Variants in ENO4 observed in about 807,000 individuals in gnomAD.
ENO4 encodes the protein enolase 4, also known as 2-phospho-D-glycerate hydro-lyase.
In ENO4, 53 loss-of-function variants were observed where a neutral mutation model predicts 63.2. That is an observed-to-expected ratio of 0.84 (90% CI 0.67 to 1.05). The LOEUF (loss-of-function observed/expected upper bound fraction) is 1.05, where lower values mean the gene tolerates loss of function less well. ENO4 is among the 50% of genes least tolerant of loss of function. The pLI is 0.00. For synonymous variants in ENO4, 266 were observed against 283.8 expected (o/e 0.94, Z 0.63); for missense variants, 719 against 772.0 (o/e 0.93, Z 0.81).
chr10:116,911,395 A>T, intron 10 of ENO4: 1 of 1,446,914 alleles, frequency 6.9e-7, no homozygotes, highest in Non-Finnish European at 9.2e-7. Context: ...GGAGGAATTT[A>T]GCTTCACATT....
intron 1 of ENO4, among the ~76,000 whole-genome samples, chr10:116,853,237 G>A (rs1447570658): frequency 2.0e-5 from 3 of 148,806 alleles, no homozygotes; most frequent in Admixed American, 6.8e-5. Flanking sequence ...GGAGCTTGCA[G>A]CGAGCCAAGA....
chr10:116,860,233 G>A (rs759135080), intron 4 of ENO4, among the ~76,000 whole-genome samples: 2 of 152,228 alleles, frequency 1.3e-5, no homozygotes, highest in African/African-American at 2.4e-5. Context: ...GGGAGGCTGA[G>A]AACATATTCT....
At chr10:116,888,253 G>A (rs1847224315) in intron 10 of ENO4, among the ~76,000 whole-genome samples, 1 of 152,192 alleles carries the variant, frequency 6.6e-6, no homozygotes, top group Non-Finnish European at 1.5e-5. Context: ...CCAGACATCT[G>A]CCGCTATGCT....
At chr10:116,878,877 G>A (rs1846916222) in intron 11 of ENO4, among the ~76,000 whole-genome samples, 1 of 151,446 alleles carries the variant, frequency 6.6e-6, no homozygotes, top group African/African-American at 2.4e-5. Context: ...GCGAGTAGCT[G>A]GGACTACAGG....
chr10:116,878,506 T>C (rs1564853279), intron 11 of ENO4, among the ~76,000 whole-genome samples: 1 of 152,128 alleles, frequency 6.6e-6, no homozygotes, highest in Non-Finnish European at 1.5e-5. Context: ...AGAATGACAG[T>C]CCTTTGAATA....
chr10:116,891,084 T>A (rs1847329836), intron 10 of ENO4, among the ~76,000 whole-genome samples: 1 of 152,174 alleles, frequency 6.6e-6, no homozygotes, highest in Admixed American at 6.5e-5. Context: ...GCTCATGAAA[T>A]GAAGGGGGAA....
At chr10:116,862,700 T>C in intron 6 of ENO4, 99 bp from the exon 7 acceptor site, 2 of 813,324 alleles carry the variant, frequency 2.5e-6, no homozygotes, top group Non-Finnish European at 4.1e-6. Context: ...TCAGGGACTC[T>C]ACAAATACTC....
At chr10:116,875,975 G>A in intron 10 of ENO4, 90 bp from the exon 11 acceptor site, 1 of 981,872 alleles carries the variant, frequency 1.0e-6, no homozygotes, top group Non-Finnish European at 1.4e-6. Flanking sequence ...CAGGAAAAAT[G>A]TGTGAGCTTG....
At chr10:116,856,014 T>G (rs535320740) in intron 2 of ENO4, among the ~76,000 whole-genome samples, 3 of 152,324 alleles carry the variant, frequency 2.0e-5, no homozygotes, top group African/African-American at 7.2e-5. Context: ...GTTTATAAAC[T>G]CTGACATTAC....
In ENO4 at chr10:116,855,657, C is replaced by T. The variant is rs1457735246; in HGVS notation, c.200C>T (p.Thr67Ile). 2 of 1,536,168 alleles carry T rather than the reference C, an allele frequency of 1.3e-6. No individual in the cohort carries two copies. Among genetic ancestry groups the T allele is most frequent in the African/African-American group, 1.4e-5 (1 of 72,986 alleles). The change falls in exon 2 of 14, where the codon ACC becomes ATC. Residue 67 changes from threonine (T) to isoleucine (I), a missense_variant. Coordinates refer to ENST00000341276, the MANE Select transcript of ENO4 (RefSeq NM_001242699.2). ...NCFSKLAKPP[T>I]ICKIVGKDVL... ...TTTTCTAAACTTGCAAAGCCTCCCA[C>T]CATATGCAAAATAGTGGGGAAAGAC...
intron 10 of ENO4, among the ~76,000 whole-genome samples, chr10:116,902,788 G>A (rs1847797633): frequency 6.6e-6 from 1 of 152,230 alleles, no homozygotes; most frequent in Admixed American, 6.5e-5. Flanking sequence ...AATAAAGTGA[G>A]AGGATAACCT....
intron 5 of ENO4, 32 bp downstream of exon 5, chr10:116,860,995 C>T (rs939121697): frequency 2.6e-6 from 4 of 1,525,454 alleles, no homozygotes; most frequent in Non-Finnish European, 3.5e-6. Context: ...TTAAAAGGAG[C>T]CATGAGTATC....
intron 1 of ENO4, among the ~76,000 whole-genome samples, chr10:116,851,105 A>G (rs1846069510): frequency 6.6e-6 from 1 of 152,258 alleles, no homozygotes; most frequent in African/African-American, 2.4e-5. Context: ...AGCTAGGACT[A>G]AAAACATGGA....
At chr10:116,849,818 C>T in intron 1 of ENO4, 87 bp downstream of exon 1, 2 of 1,399,684 alleles carry the variant, frequency 1.4e-6, no homozygotes, top group Non-Finnish European at 1.9e-6. Context: ...TGCGCCTGCG[C>T]CTCAGAATCT....
At chr10:116,849,832 A>T (rs1013510629) in intron 1 of ENO4, 101 bp downstream of exon 1, 42 of 1,331,816 alleles carry the variant, frequency 3.2e-5, no homozygotes, top group Non-Finnish European at 4.0e-5. Flanking sequence ...AGAATCTCGC[A>T]TGCCAGCCGC....
chr10:116,876,393 G>T, intron 11 of ENO4, 133 bp downstream of exon 11: 1 of 771,384 alleles, frequency 1.3e-6, no homozygotes, highest in Middle Eastern at 3.8e-4. Context: ...CCATTTGTGA[G>T]AGATTTAGTG....
Position 116,862,879 on chromosome 10 carries a change from A to G in ENO4, c.990+27A>G, listed in dbSNP as rs1470567893. 4 of 1,436,556 alleles carry G rather than the reference A, an allele frequency of 2.8e-6. No individual in the cohort carries two copies. In the Admixed American group the frequency reaches 5.9e-5, roughly 21 times the overall value. The allele number at this position is 1,436,556 out of a possible 1,614,324, so 89.0% of individuals were successfully genotyped here. Reference sequence around the variant, plus strand: ...TATGTAAAGAGATTCTATGTTATCTAGTTACTGACACTTAGACACCTTCTA... The same window carrying G: ...TATGTAAAGAGATTCTATGTTATCTGGTTACTGACACTTAGACACCTTCTA... On this transcript the variant is annotated intron_variant, in intron 7 of 13. Transcript: ENST00000341276.
intron 10 of ENO4, chr10:116,901,970 C>T (rs746051214): frequency 6.4e-7 from 1 of 1,571,664 alleles, no homozygotes; most frequent in Non-Finnish European, 8.6e-7. Context: ...TAAAACCAAA[C>T]ACATACCTCA....
intron 10 of ENO4, among the ~76,000 whole-genome samples, chr10:116,893,043 A>G (rs1447451288): frequency 6.6e-6 from 1 of 152,238 alleles, no homozygotes; most frequent in Non-Finnish European, 1.5e-5. Flanking sequence ...ATTACTCAGC[A>G]GCATTTTAAC....
Sources: allele counts gnomAD v4.1 joint callset (sites outside exome capture counted in the v4.1 genomes callset), GRCh38; gene constraint gnomAD v4.1.1; transcripts MANE v1.5; gene names NCBI Gene and HGNC (gene_info 2026-07-23, HGNC 2026-07-21).